Variants in CAMTA1 observed in about 807,000 individuals in gnomAD.
CAMTA1 encodes the protein calmodulin binding transcription activator 1.
In CAMTA1, 27 loss-of-function variants were observed where a neutral mutation model predicts 170.9. The ratio of observed to expected loss-of-function variants is 0.16; its 90% confidence interval spans 0.12 to 0.22. The LOEUF is 0.22. Among genes scored for constraint, CAMTA1 ranks in the 10% least tolerant of loss-of-function variants. The pLI is 1.00. For missense variants in CAMTA1, 1,619 were observed against 2,217.2 expected (o/e 0.73, Z 5.42); for synonymous variants, 833 against 891.5 (o/e 0.93, Z 1.17).
chr1:7,577,301 GC>G (rs1416806983), intron 6 of CAMTA1, among the ~76,000 whole-genome samples: 3 of 92,912 alleles, frequency 3.2e-5, no homozygotes, highest in South Asian at 3.1e-4. Flanking sequence ...ACTGAAAAGG[GC>G]CCCCCCTTGT....
intron 6 of CAMTA1, among the ~76,000 whole-genome samples, chr1:7,491,209 C>T (rs2093698352): frequency 6.6e-6 from 1 of 152,316 alleles, no homozygotes; most frequent in Non-Finnish European, 1.5e-5. Flanking sequence ...CCTGCCATCA[C>T]CTGAGCCGCA....
In CAMTA1 at chr1:7,007,454, C is replaced by G. The variant is rs1183611070; in HGVS notation, c.235-83850C>G. Among the ~76,000 whole-genome samples, 1 of 152,190 alleles carries G rather than the reference C, an allele frequency of 6.6e-6. No individual in the cohort carries two copies. The highest frequency in any genetic ancestry group is 1.5e-5 in the Non-Finnish European group (1 of 68,036). ...GGGCAACAGAATGTCACACCCAGGT[C>G]CTTCCCTCGCCTCGAGAACCCCAAG... On this transcript the variant is annotated intron_variant, in intron 3 of 22. Transcript: ENST00000303635. The surrounding 1 kb of genome is among the most constrained non-coding windows in gnomAD (Gnocchi z 4.5).
chr1:7,418,082 C>G (rs976174092), intron 5 of CAMTA1, among the ~76,000 whole-genome samples: 2 of 142,360 alleles, frequency 1.4e-5, no homozygotes, highest in African/African-American at 2.6e-5. Context: ...TTCCAAGACA[C>G]CACCTTCTCC....
chr1:6,832,993 G>A (rs7522354), intron 3 of CAMTA1, among the ~76,000 whole-genome samples: 27,798 of 152,060 alleles, frequency 0.18, 2,591 homozygotes, highest in East Asian at 0.29. Context: ...TGGAGATCAG[G>A]CAGCCTGTGT....
At chr1:7,672,943 T>C (rs890831875) in intron 10 of CAMTA1, among the ~76,000 whole-genome samples, 2 of 152,120 alleles carry the variant, frequency 1.3e-5, no homozygotes, top group Admixed American at 1.3e-4. Flanking sequence ...CTGCTCGGCC[T>C]GGAGCACAGC....
At chr1:7,363,702 GGT>G (rs1279679150) in intron 5 of CAMTA1, among the ~76,000 whole-genome samples, 1 of 152,168 alleles carries the variant, frequency 6.6e-6, no homozygotes, top group Admixed American at 6.5e-5. Context: ...GAGGGCATCT[GGT>G]GTGTGTCTCA....
chr1:7,627,986 C>T (rs779527413), intron 6 of CAMTA1, among the ~76,000 whole-genome samples: 46 of 152,186 alleles, frequency 3.0e-4, no homozygotes, highest in Non-Finnish European at 4.6e-4. Context: ...AAGATGTGAT[C>T]ATTTTTTAGG....
In CAMTA1 at chr1:7,638,944, G is replaced by A. The variant is rs566003958; in HGVS notation, c.511-1456G>A. On this transcript the variant is annotated intron_variant, in intron 6 of 22. Coordinates refer to ENST00000303635, the MANE Select transcript of CAMTA1 (RefSeq NM_015215.4). ...ATTCTTAATAAGATGTGATGAGAAG[G>A]CGCTGACTGTTAAATGGAACTGATT... is the stretch of plus-strand genomic sequence containing the variant. 7.6e-3 allele frequency among the ~76,000 whole-genome samples: 1,161 copies of A among 152,218 alleles called. 16 individuals are homozygous for A. The highest frequency in any genetic ancestry group is 0.027 in the African/African-American group (1,117 of 41,524).
chr1:7,468,985 C>T (rs1180465079), intron 6 of CAMTA1, among the ~76,000 whole-genome samples: 2 of 152,190 alleles, frequency 1.3e-5, no homozygotes, highest in Admixed American at 6.5e-5. Flanking sequence ...GGAGCCATGT[C>T]GATGTGGAGG....
intron 6 of CAMTA1, among the ~76,000 whole-genome samples, chr1:7,524,967 C>T (rs2094413699): frequency 6.6e-6 from 1 of 152,174 alleles, no homozygotes; most frequent in African/African-American, 2.4e-5. Flanking sequence ...CACATATCCA[C>T]TCATTCATTC....
At chr1:7,590,025 G>C (rs1174390785) in intron 6 of CAMTA1, among the ~76,000 whole-genome samples, 1 of 152,200 alleles carries the variant, frequency 6.6e-6, no homozygotes, top group Non-Finnish European at 1.5e-5. Flanking sequence ...ATCGCATGGA[G>C]CTTGCCCCTG....
chr1:7,112,590 T>C (rs1022218856), intron 4 of CAMTA1, among the ~76,000 whole-genome samples: 2 of 152,248 alleles, frequency 1.3e-5, no homozygotes, highest in African/African-American at 4.8e-5. Flanking sequence ...ACCCAGCGGA[T>C]GTTGGCTACT....
At chr1:7,039,138 G>T (rs1704057307) in intron 3 of CAMTA1, among the ~76,000 whole-genome samples, 1 of 152,202 alleles carries the variant, frequency 6.6e-6, no homozygotes, top group African/African-American at 2.4e-5. Context: ...CTGGAACAGG[G>T]TTACTGAGCA....
intron 3 of CAMTA1, among the ~76,000 whole-genome samples, chr1:7,055,218 G>C (rs1447688523): frequency 6.6e-6 from 1 of 152,204 alleles, no homozygotes; most frequent in Admixed American, 6.5e-5. Flanking sequence ...ATAGCACCTA[G>C]CTTGTTCAGT....
At chr1:6,799,354 C>T (rs1250923296) in intron 1 of CAMTA1, among the ~76,000 whole-genome samples, 1 of 152,246 alleles carries the variant, frequency 6.6e-6, no homozygotes. Flanking sequence ...CAGGCATGAG[C>T]CGCTGTGCCT....
chr1:7,284,647 G>C (rs903102180), intron 5 of CAMTA1, among the ~76,000 whole-genome samples: 1 of 152,232 alleles, frequency 6.6e-6, no homozygotes, highest in Non-Finnish European at 1.5e-5. Flanking sequence ...TGGCATTCCA[G>C]CCTCTCCTGG....
intron 5 of CAMTA1, among the ~76,000 whole-genome samples, chr1:7,442,938 T>C (rs1177150046): frequency 6.6e-6 from 1 of 152,198 alleles, no homozygotes; most frequent in Non-Finnish European, 1.5e-5. Flanking sequence ...ACAGTGCTAC[T>C]GCCCTGGCCT....
intron 6 of CAMTA1, among the ~76,000 whole-genome samples, chr1:7,540,131 C>T (rs1460422527): frequency 6.6e-6 from 1 of 152,208 alleles, no homozygotes; most frequent in African/African-American, 2.4e-5. Flanking sequence ...GGCCCCACTC[C>T]AAGAACAGTG....
chr1:7,046,682 G>A (rs144272521), intron 3 of CAMTA1, among the ~76,000 whole-genome samples: 1 of 152,314 alleles, frequency 6.6e-6, no homozygotes, highest in African/African-American at 2.4e-5. Flanking sequence ...ACTCCACTTA[G>A]GAATGTGTGT....
Sources: gnomAD v4.1 joint callset for allele counts (sites outside exome capture counted in the v4.1 genomes callset) on GRCh38, gnomAD v4.1.1 for gene constraint, Gnocchi (gnomAD v3.1) non-coding constraint, MANE v1.5 for transcripts, NCBI Gene and HGNC (gene_info 2026-07-23, HGNC 2026-07-21) for gene names.